PCDHA5: variants seen among roughly 807,000 people sequenced by gnomAD.
PCDHA5 encodes protocadherin alpha 5.
A neutral mutation model predicts 61.6 loss-of-function variants in PCDHA5; 43 were observed. The observed-to-expected ratio is 0.70, with a 90% confidence interval of 0.55 to 0.90. PCDHA5 has a LOEUF of 0.90. PCDHA5 is among the 40% of genes least tolerant of loss of function. The probability of loss-of-function intolerance (pLI) is 0.00; values close to 1 mark genes in which losing one functional copy is unlikely to be tolerated. For missense variants in PCDHA5, 1,298 were observed against 1,222.7 expected, an observed-to-expected ratio of 1.06 and a Z score of -0.92; for synonymous variants, 627 against 543.9, an observed-to-expected ratio of 1.15 and a Z score of -2.13.
intron 1 of PCDHA5, among the ~76,000 whole-genome samples, chr5:140,873,139 A>G (rs1325307438): frequency 6.6e-6 from 1 of 152,216 alleles, no homozygotes; most frequent in Non-Finnish European, 1.5e-5. Context: ...TCTATGCTGA[A>G]GCCTATTCAT....
rs1210626259 is a variant in PCDHA5 at position 140,824,001 on chromosome 5, C to T, written c.2226C>T (p.Ser742=). 3 of 1,613,960 alleles carry T rather than the reference C, an allele frequency of 1.9e-6. No homozygotes were observed. The African/African-American group carries it at 4.0e-5, about 22-fold the overall frequency. The change falls in exon 1 of 4, where the codon AGC becomes AGT. Residue 742 remains serine, a synonymous_variant. Coordinates refer to ENST00000529859, the MANE Select transcript of PCDHA5 (RefSeq NM_018908.3). ...TRGKPTLLCS[S]AVGSWSYSQQ... is the part of the protein sequence containing the mutation. ...GCAAGCCCACTCTGTTGTGCTCCAGCGCGGTGGGGAGCTGGTCGTACTCGC... is the reference window on the plus strand; with the variant it reads ...GCAAGCCCACTCTGTTGTGCTCCAGTGCGGTGGGGAGCTGGTCGTACTCGC...
intron 1 of PCDHA5, among the ~76,000 whole-genome samples, chr5:140,844,990 A>G (rs1313324994): frequency 6.7e-6 from 1 of 149,154 alleles, no homozygotes; most frequent in Non-Finnish European, 1.5e-5. Flanking sequence ...TAAATCTTTT[A>G]ATCACTTATG....
At chr5:140,982,878 C>T (rs2097013352) in intron 3 of PCDHA5, among the ~76,000 whole-genome samples, 1 of 151,992 alleles carries the variant, frequency 6.6e-6, no homozygotes, top group South Asian at 2.1e-4. Flanking sequence ...TCATCCAAGC[C>T]ATGCAGAGAA....
intron 1 of PCDHA5, chr5:140,869,568 G>C (rs1554163237): frequency 6.2e-7 from 1 of 1,614,168 alleles, no homozygotes; most frequent in East Asian, 2.2e-5. Context: ...TTCCACTAGA[G>C]GGAGCTTCTG....
chr5:140,966,644 G>A, intron 1 of PCDHA5: 1 of 1,127,128 alleles, frequency 8.9e-7, no homozygotes, highest in Non-Finnish European at 1.2e-6. Context: ...GCTTTCTAGA[G>A]CGTGAGCGGT....
intron 1 of PCDHA5, among the ~76,000 whole-genome samples, chr5:140,938,121 A>C (rs981387543): frequency 6.6e-6 from 1 of 151,892 alleles, no homozygotes; most frequent in South Asian, 2.1e-4. Flanking sequence ...CTCTTTTTTT[A>C]AAAAAATAGA....
At chr5:140,868,961 A>G in intron 1 of PCDHA5, 1 of 1,418,552 alleles carries the variant, frequency 7.0e-7, no homozygotes, top group Non-Finnish European at 9.5e-7. Context: ...ACTCCCATAC[A>G]AAGGAACTCC....
intron 1 of PCDHA5, chr5:140,830,619 TTTC>T (rs1771166923): frequency 5.1e-6 from 3 of 592,920 alleles, no homozygotes; most frequent in East Asian, 7.2e-5. Flanking sequence ...TTTTATTGTG[TTTC>T]TTATTTTAAT....
At chr5:140,927,754 C>T (rs1554205003) in intron 1 of PCDHA5, 1 of 1,614,030 alleles carries the variant, frequency 6.2e-7, no homozygotes, top group African/African-American at 1.3e-5. Flanking sequence ...TCACGTGCAC[C>T]CTAAAAGTGG....
chr5:140,909,234 A>G (rs782659410), intron 1 of PCDHA5, among the ~76,000 whole-genome samples: 12 of 152,220 alleles, frequency 7.9e-5, no homozygotes, highest in Non-Finnish European at 1.3e-4. Context: ...GTAGGATGGT[A>G]AAGATATATT....
chr5:140,868,875 C>T (rs1033473828), intron 1 of PCDHA5: 3 of 661,952 alleles, frequency 4.5e-6, no homozygotes, highest in African/African-American at 3.6e-5. Context: ...GTGCACAGTA[C>T]TCACAGTTTT....
intron 1 of PCDHA5, chr5:140,829,481 G>C: frequency 6.2e-6 from 10 of 1,613,786 alleles, no homozygotes; most frequent in Middle Eastern, 1.7e-4. Context: ...CACAGTGTTC[G>C]TGAAGGAGAA....
chr5:140,852,495 C>T (rs2042351013), intron 1 of PCDHA5: 1 of 241,812 alleles, frequency 4.1e-6, no homozygotes, highest in Non-Finnish European at 7.2e-6. Context: ...CCAGGTTGGT[C>T]TCGAACTCCT....
intron 1 of PCDHA5, chr5:140,927,303 G>T: frequency 6.2e-7 from 1 of 1,614,150 alleles, no homozygotes. Flanking sequence ...CCGAGTTCCT[G>T]ACGCCCGGAG....
At chr5:140,871,197 C>T (rs1554165260) in intron 1 of PCDHA5, 1 of 1,613,664 alleles carries the variant, frequency 6.2e-7, no homozygotes, top group Admixed American at 1.7e-5. Flanking sequence ...TCAACGTGTA[C>T]CTGATCATCG....
chr5:140,856,524 C>G, intron 1 of PCDHA5: 1 of 1,598,296 alleles, frequency 6.3e-7, no homozygotes, highest in Non-Finnish European at 8.6e-7. Context: ...GCATCTGATG[C>G]GGATGTTGGA....
chr5:141,010,325 G>T lies in PCDHA5; in HGVS notation c.*388G>T. On this transcript the variant is annotated 3_prime_UTR_variant, in exon 4 of 4. Coordinates refer to ENST00000529859, the MANE Select transcript of PCDHA5 (RefSeq NM_018908.3). Reference sequence around the variant, plus strand: ...GAAAAGTTTTGAGATTGAGCAGCTTGGGAGTTTGTGGCCACTGGGTATGTG... The same window carrying T: ...GAAAAGTTTTGAGATTGAGCAGCTTTGGAGTTTGTGGCCACTGGGTATGTG... 1 of 1,539,506 alleles carries T rather than the reference G, an allele frequency of 6.5e-7. No individual in the cohort carries two copies. The highest frequency in any genetic ancestry group is 8.7e-7 in the Non-Finnish European group (1 of 1,142,888).
At chr5:140,872,083 C>G (rs377675529) in intron 1 of PCDHA5, among the ~76,000 whole-genome samples, 1 of 152,284 alleles carries the variant, frequency 6.6e-6, no homozygotes, top group East Asian at 1.9e-4. Context: ...TGCAGTGCCA[C>G]TGCACTTAGT....
intron 1 of PCDHA5, among the ~76,000 whole-genome samples, chr5:140,908,581 G>A (rs2074042639): frequency 6.6e-6 from 1 of 152,178 alleles, no homozygotes; most frequent in Non-Finnish European, 1.5e-5. Context: ...AAGGAGAGTA[G>A]TTAGCTGCAG....
Sources: gnomAD v4.1 joint callset for allele counts (sites outside exome capture counted in the v4.1 genomes callset) on GRCh38, gnomAD v4.1.1 for gene constraint, MANE v1.5 for transcripts, NCBI Gene and HGNC (gene_info 2026-07-23, HGNC 2026-07-21) for gene names.